The following ZNF618 variants were observed in gnomAD, a reference collection of about 807,000 sequenced individuals.
ZNF618 encodes neural precursor cell expressed, developmentally down-regulated 10.
In ZNF618, 34 loss-of-function variants were observed where a neutral mutation model predicts 103.0. The observed-to-expected ratio is 0.33, with a 90% CI of 0.25 to 0.44. ZNF618 has a LOEUF of 0.44. Among genes scored for constraint, ZNF618 ranks in the 20% least tolerant of loss-of-function variants. The pLI is 1.00. For missense variants in ZNF618, 1,059 were observed against 1,295.4 expected (o/e 0.82, Z 2.80); for synonymous variants, 551 against 542.2 (o/e 1.02, Z -0.23).
intron 1 of ZNF618, among the ~76,000 whole-genome samples, chr9:113,925,981 G>T (rs558524463): frequency 3.9e-4 from 59 of 152,122 alleles, no homozygotes; most frequent in Non-Finnish European, 7.8e-4. Flanking sequence ...TTCTCTTTCT[G>T]TTTGTTTGAG....
intron 10 of ZNF618, among the ~76,000 whole-genome samples, chr9:114,019,702 A>G (rs1842920618): frequency 6.6e-6 from 1 of 152,016 alleles, no homozygotes; most frequent in African/African-American, 2.4e-5. Context: ...TGTCTTTTTT[A>G]TTATTAAGTT....
chr9:114,030,386 T>G (rs144059780), intron 11 of ZNF618, among the ~76,000 whole-genome samples: 37 of 152,284 alleles, frequency 2.4e-4, no homozygotes, highest in Admixed American at 1.2e-3. Flanking sequence ...GTGATAGATA[T>G]CGGCTCCACT....
At chr9:113,998,389 G>A (rs1840842277) in intron 4 of ZNF618, 35 bp downstream of exon 4, 1 of 1,528,146 alleles carries the variant, frequency 6.5e-7, no homozygotes, top group South Asian at 1.2e-5. Context: ...CCTGATCCGG[G>A]GCCAGTATGG....
chr9:113,963,245 C>CTTTTT (rs1837032690), intron 1 of ZNF618, among the ~76,000 whole-genome samples: 1 of 152,206 alleles, frequency 6.6e-6, no homozygotes, highest in Admixed American at 6.5e-5. Context: ...CTTGGTTGCA[C>CTTTTT]CCACTGCCGA....
At chr9:113,975,278 A>G (rs1295850117) in intron 2 of ZNF618, among the ~76,000 whole-genome samples, 1 of 152,180 alleles carries the variant, frequency 6.6e-6, no homozygotes, top group Non-Finnish European at 1.5e-5. Flanking sequence ...GAGGGAATTG[A>G]GGAATAGACT....
intron 6 of ZNF618, among the ~76,000 whole-genome samples, chr9:114,004,871 A>G (rs1230507976): frequency 6.6e-6 from 1 of 152,232 alleles, no homozygotes; most frequent in Non-Finnish European, 1.5e-5. Flanking sequence ...CACACATTCT[A>G]TTAACAGTTC....
intron 2 of ZNF618, among the ~76,000 whole-genome samples, chr9:113,982,849 T>C (rs1839096211): frequency 2.0e-5 from 3 of 152,218 alleles, no homozygotes; most frequent in African/African-American, 4.8e-5. Context: ...CCAGCTGTCT[T>C]AGGGAACTTC....
chr9:114,048,717 G>A lies in ZNF618; in HGVS notation c.1415G>A (p.Arg472Gln), dbSNP rs769204740. ...AAGGAGCGGCAGAACATCGCAGAGC[G>A]GCTGTTGAGGGTCATGTGTGCCGAC... Reference protein sequence around the residue: ...PEKERQNIAERLLRVMCADLG... With the variant: ...PEKERQNIAEQLLRVMCADLG... The change falls in exon 15 of 15, where the codon CGG becomes CAG. Residue 472 changes from arginine (R) to glutamine (Q), a missense_variant. By Grantham distance (43) the Arg-to-Gln change is conservative (BLOSUM62 1). This residue lies in a region of ZNF618 where 434 missense variants were observed against 476.0 expected (regional missense o/e 0.91). Transcript: ENST00000374126. The A allele has an allele frequency of 6.2e-6, 10 of 1,614,038 alleles. No individual in the cohort carries two copies. The East Asian group carries it at 1.3e-4, about 22-fold the overall frequency.
At chr9:113,950,392 C>T (rs973432796) in intron 1 of ZNF618, among the ~76,000 whole-genome samples, 2 of 152,126 alleles carry the variant, frequency 1.3e-5, no homozygotes, top group East Asian at 1.9e-4. Flanking sequence ...GTCAGCTTGC[C>T]GGTGTTGGAA....
Position 114,049,928 on chromosome 9 carries a change from G to T in ZNF618, c.2626G>T (p.Asp876Tyr). 6.2e-7 allele frequency: 1 copy of T among 1,613,914 alleles called. No homozygotes were observed. The highest frequency in any genetic ancestry group is 8.5e-7 in the Non-Finnish European group (1 of 1,179,904). ...DDRLGKNEVYDYLQEPLFQAT... is the reference protein window; with the variant it reads ...DDRLGKNEVYYYLQEPLFQAT... Reference sequence around the variant, plus strand: ...TCGGCTAGGCAAAAATGAAGTGTACGATTACCTGCAGGAGCCCCTCTTCCA... The same window carrying T: ...TCGGCTAGGCAAAAATGAAGTGTACTATTACCTGCAGGAGCCCCTCTTCCA... The change falls in exon 15 of 15, where the codon GAT (aspartate) becomes TAT (tyrosine). Residue 876 changes from aspartate (D) to tyrosine (Y), a missense_variant. By Grantham distance (160) the Asp-to-Tyr change is radical. Around this residue, in one of 6 missense-constraint regions of ZNF618, gnomAD observed 156 missense variants for 197.1 expected, o/e 0.79. Coordinates refer to ENST00000374126, the MANE Select transcript of ZNF618 (RefSeq NM_001318042.2).
At chr9:113,916,293 C>T (rs955355591) in intron 1 of ZNF618, among the ~76,000 whole-genome samples, 5 of 152,098 alleles carry the variant, frequency 3.3e-5, no homozygotes, top group South Asian at 2.1e-4. Context: ...GCCCAGAAAA[C>T]GAAACAAGCT....
intron 14 of ZNF618, among the ~76,000 whole-genome samples, chr9:114,048,226 A>G (rs1054923406): frequency 2.0e-5 from 3 of 152,216 alleles, no homozygotes; most frequent in African/African-American, 4.8e-5. Flanking sequence ...GAAAGCACCA[A>G]TTTGTGGCAG....
intron 1 of ZNF618, among the ~76,000 whole-genome samples, chr9:113,941,065 T>G (rs1489154431): frequency 6.6e-6 from 1 of 152,112 alleles, no homozygotes; most frequent in Non-Finnish European, 1.5e-5. Flanking sequence ...CTCTCCTTTC[T>G]GCTTGTCCCT....
At chr9:113,934,631 A>G (rs1833882050) in intron 1 of ZNF618, among the ~76,000 whole-genome samples, 1 of 152,224 alleles carries the variant, frequency 6.6e-6, no homozygotes. Flanking sequence ...GAGTGAGAAT[A>G]TAGCCTCCCA....
At chr9:114,009,606 T>C (rs1842062127) in intron 9 of ZNF618, among the ~76,000 whole-genome samples, 1 of 152,184 alleles carries the variant, frequency 6.6e-6, no homozygotes, top group Non-Finnish European at 1.5e-5. Flanking sequence ...CTCTCTGTTT[T>C]CTGTACCTCA....
intron 1 of ZNF618, among the ~76,000 whole-genome samples, chr9:113,893,042 T>C (rs933945392): frequency 6.6e-6 from 1 of 152,232 alleles, no homozygotes; most frequent in African/African-American, 2.4e-5. Context: ...AGCAGATAAA[T>C]TACTGCACTG....
chr9:113,979,689 C>T (rs567157666), intron 2 of ZNF618, among the ~76,000 whole-genome samples: 2 of 152,216 alleles, frequency 1.3e-5, no homozygotes, highest in Non-Finnish European at 2.9e-5. Flanking sequence ...GTCCTTGGTT[C>T]ACTTGGTAAA....
At chr9:113,978,451 C>T (rs1466511848) in intron 2 of ZNF618, among the ~76,000 whole-genome samples, 2 of 152,174 alleles carry the variant, frequency 1.3e-5, no homozygotes, top group Non-Finnish European at 2.9e-5. Flanking sequence ...AGCGCAGAGC[C>T]CAGGCGCCTT....
At chr9:114,025,456 A>AT (rs1843408613) in intron 10 of ZNF618, among the ~76,000 whole-genome samples, 1 of 152,198 alleles carries the variant, frequency 6.6e-6, no homozygotes. Flanking sequence ...GTGCTCTGTT[A>AT]TTTTTTAGAT....
Sources: allele counts gnomAD v4.1 joint callset (sites outside exome capture counted in the v4.1 genomes callset), GRCh38; gene constraint gnomAD v4.1.1; regional missense constraint gnomAD v4.1.1; transcripts MANE v1.5; gene names NCBI Gene and HGNC (gene_info 2026-07-23, HGNC 2026-07-21).